The following CDH12 variants were observed in gnomAD, a reference collection of about 807,000 sequenced individuals.
CDH12 encodes cadherin-12.
In CDH12, 41 loss-of-function variants were observed where a neutral mutation model predicts 74.1. The observed-to-expected ratio is 0.55, with a 90% CI of 0.43 to 0.72. The LOEUF is 0.72. CDH12 is among the 30% of genes least tolerant of loss of function. CDH12 has a pLI of 0.00. For missense variants in CDH12, 945 were observed against 977.2 expected (o/e 0.97, Z 0.44); for synonymous variants, 399 against 355.0 (o/e 1.12, Z -1.39).
At chr5:22,443,755 T>C (rs988289095) in intron 2 of CDH12, among the ~76,000 whole-genome samples, 2 of 152,146 alleles carry the variant, frequency 1.3e-5, no homozygotes, top group African/African-American at 4.8e-5. Flanking sequence ...AAGTAAGGGG[T>C]ATAAAATGAC....
At chr5:22,738,129 A>G (rs955657049) in intron 1 of CDH12, among the ~76,000 whole-genome samples, 1 of 151,998 alleles carries the variant, frequency 6.6e-6, no homozygotes, top group African/African-American at 2.4e-5. Context: ...TTAGAGCTGG[A>G]GAATGCTACA....
intron 6 of CDH12, among the ~76,000 whole-genome samples, chr5:21,971,261 T>C (rs1756842817): frequency 6.6e-6 from 1 of 152,098 alleles, no homozygotes; most frequent in African/African-American, 2.4e-5. Flanking sequence ...GACAAAATGG[T>C]ATATTAAATT....
intron 4 of CDH12, among the ~76,000 whole-genome samples, chr5:22,194,228 G>A (rs192640152): frequency 6.6e-6 from 1 of 152,072 alleles, no homozygotes; most frequent in Admixed American, 6.5e-5. Context: ...GTGAGCTAGA[G>A]AGGTGACACA....
Position 22,229,030 on chromosome 5 carries a change from A to AT in CDH12, c.-332-16388dup, listed in dbSNP as rs1752292611. Among the ~76,000 whole-genome samples, 3 of 152,176 alleles carry AT rather than the reference A, an allele frequency of 2.0e-5. No homozygotes were observed. In the South Asian group the frequency reaches 6.2e-4, roughly 32 times the overall value. The stretch of plus-strand genomic sequence containing the variant: ...GTAGATATCCTCCCTTCAAGTGACT[A>AT]TATCTCCAACCAAAGCCACTAAAAT... On this transcript the variant is annotated intron_variant, in intron 3 of 14. Transcript: ENST00000382254.
intron 1 of CDH12, among the ~76,000 whole-genome samples, chr5:22,589,636 C>T (rs1740581881): frequency 6.6e-6 from 1 of 152,196 alleles, no homozygotes; most frequent in Admixed American, 6.5e-5. Context: ...CTCCTTAGAA[C>T]ACTTTTCCTC....
At chr5:22,213,881 C>T (rs1751689003) in intron 3 of CDH12, 1 of 152,180 alleles carries the variant, frequency 6.6e-6, no homozygotes, top group South Asian at 2.1e-4. Context: ...TCCAGTGGGT[C>T]TCACTTGGGA....
At chr5:21,824,257 A>C (rs1279812181) in intron 8 of CDH12, among the ~76,000 whole-genome samples, 1 of 151,684 alleles carries the variant, frequency 6.6e-6, no homozygotes, top group African/African-American at 2.4e-5. Flanking sequence ...TCACCATTGG[A>C]GGCAGCAAAG....
At chr5:22,206,504 G>A (rs1219306070) in intron 4 of CDH12, among the ~76,000 whole-genome samples, 1 of 151,828 alleles carries the variant, frequency 6.6e-6, no homozygotes, top group African/African-American at 2.4e-5. Context: ...ACAGCTGAAA[G>A]AAATCTACCA....
At chr5:22,752,570 T>TC (rs1745641424) in intron 1 of CDH12, among the ~76,000 whole-genome samples, 4 of 17,798 alleles carry the variant, frequency 2.2e-4, no homozygotes, top group Non-Finnish European at 5.6e-4. Context: ...TTTTTTTTTT[T>TC]TTTCTTTTTT....
intron 3 of CDH12, among the ~76,000 whole-genome samples, chr5:22,248,747 C>T (rs1328769850): frequency 1.3e-5 from 2 of 152,106 alleles, no homozygotes; most frequent in Non-Finnish European, 2.9e-5. Flanking sequence ...CATAGCTGTA[C>T]ATTAACTGTG....
At chr5:22,438,181 TAA>T (rs1467604722) in intron 2 of CDH12, among the ~76,000 whole-genome samples, 2 of 152,068 alleles carry the variant, frequency 1.3e-5, no homozygotes, top group African/African-American at 4.8e-5. Context: ...GAGGCCTGGT[TAA>T]GTTCCCCTCT....
At chr5:22,463,120 C>T (rs978368682) in intron 2 of CDH12, among the ~76,000 whole-genome samples, 3 of 152,090 alleles carry the variant, frequency 2.0e-5, no homozygotes, top group Admixed American at 6.5e-5. Context: ...ACAAATGATA[C>T]ATGAGATAAA....
intron 3 of CDH12, among the ~76,000 whole-genome samples, chr5:22,367,266 G>T (rs935976728): frequency 1.3e-5 from 2 of 152,074 alleles, no homozygotes; most frequent in Non-Finnish European, 2.9e-5. Flanking sequence ...CTTCCTTACA[G>T]CAATTTGGGA....
chr5:22,013,627 C>T (rs1342533670), intron 5 of CDH12, among the ~76,000 whole-genome samples: 1 of 152,192 alleles, frequency 6.6e-6, no homozygotes, highest in South Asian at 2.1e-4. Flanking sequence ...CTCATACTGG[C>T]TGTGGTGTAG....
chr5:22,195,630 A>G (rs985807328), intron 4 of CDH12, among the ~76,000 whole-genome samples: 6 of 152,184 alleles, frequency 3.9e-5, no homozygotes, highest in African/African-American at 1.4e-4. Flanking sequence ...TTAATTCTCA[A>G]TACAATGAAT....
At chr5:22,210,445 T>G (rs1327662337) in intron 4 of CDH12, among the ~76,000 whole-genome samples, 1 of 149,610 alleles carries the variant, frequency 6.7e-6, no homozygotes, top group Non-Finnish European at 1.5e-5. Context: ...CAGACAACTA[T>G]GACAATGGTA....
At chr5:22,095,470 C>G (rs1743697985) in intron 4 of CDH12, among the ~76,000 whole-genome samples, 1 of 152,106 alleles carries the variant, frequency 6.6e-6, no homozygotes, top group Non-Finnish European at 1.5e-5. Flanking sequence ...TCAGAGGTGT[C>G]TGACCATGCG....
At chr5:22,526,930 G>A (rs1458923109) in intron 1 of CDH12, among the ~76,000 whole-genome samples, 2 of 152,048 alleles carry the variant, frequency 1.3e-5, no homozygotes, top group African/African-American at 2.4e-5. Context: ...TCCCACCTGG[G>A]GAAATTATCT....
chr5:22,172,767 G>T (rs1218369105), intron 4 of CDH12, among the ~76,000 whole-genome samples: 3 of 151,402 alleles, frequency 2.0e-5, no homozygotes, highest in Non-Finnish European at 3.0e-5. Context: ...TTTAATATTT[G>T]CATGGTGAGA....
Sources: gnomAD v4.1 joint callset for allele counts (sites outside exome capture counted in the v4.1 genomes callset) on GRCh38, gnomAD v4.1.1 for gene constraint, MANE v1.5 for transcripts, NCBI Gene and HGNC (gene_info 2026-07-23, HGNC 2026-07-21) for gene names.